The following EMC1 variants were observed in gnomAD, a reference collection of about 807,000 sequenced individuals.
EMC1 encodes the protein ER membrane protein complex subunit 1, also known as KIAA0090.
EMC1 carries 103 observed loss-of-function variants against 128.8 expected under a neutral mutation model. The observed-to-expected ratio is 0.80, with a 90% CI of 0.68 to 0.94. EMC1 has a LOEUF of 0.94. Ranked by LOEUF, EMC1 falls within the 40% of genes least tolerant of loss-of-function variation. The pLI is 0.00. For missense variants in EMC1, 1,083 were observed against 1,250.6 expected, an observed-to-expected ratio of 0.87 and a Z score of 2.02; for synonymous variants, 442 against 490.4, an observed-to-expected ratio of 0.90 and a Z score of 1.30.
At chr1:19,237,544 G>A (rs1184302022) in intron 11 of EMC1, among the ~76,000 whole-genome samples, 1 of 152,074 alleles carries the variant, frequency 6.6e-6, no homozygotes, top group South Asian at 2.1e-4. Context: ...TAGACTTTCC[G>A]CTTTAGAAAC....
chr1:19,241,012 G>A lies in EMC1; in HGVS notation c.636+4C>T. 1 of 1,613,990 alleles carries A rather than the reference G, an allele frequency of 6.2e-7. No homozygotes were observed. The highest frequency in any genetic ancestry group is 8.5e-7 in the Non-Finnish European group (1 of 1,179,954). ...ATTCACAGGCTCCTGTCACCCTCCT[G>A]TACCTGCTGAACAATCTCTCCATCT... On this transcript the variant is annotated splice_donor_region_variant and intron_variant, in intron 6 of 22. Coordinates refer to ENST00000477853, the MANE Select transcript of EMC1 (RefSeq NM_015047.3).
intron 17 of EMC1, 43 bp from the exon 18 acceptor site, chr1:19,227,493 T>G (rs777170011): frequency 6.2e-7 from 1 of 1,612,040 alleles, no homozygotes; most frequent in Admixed American, 1.7e-5. Context: ...AGGGTACACT[T>G]AGAACTGAAA....
rs1291155972 is a variant in EMC1 at position 19,226,115 on chromosome 1, CT to C, written c.2202+1197del. On this transcript the variant is annotated intron_variant, in intron 18 of 22. Transcript: ENST00000477853. ...CGTGATCTCTATTCTATGACACCCC[CT>C]CCAATTCAGTCTCTGCTGTACCAGA... 3.3e-5 allele frequency among the ~76,000 whole-genome samples: 5 copies of C among 152,312 alleles called. No homozygotes were observed. The South Asian group carries it at 8.3e-4, about 25-fold the overall frequency.
In EMC1 at chr1:19,227,409, T is replaced by G. The variant is rs2151943835; in HGVS notation, c.2106A>C (p.Pro702=). 1 of 1,614,170 alleles carries G rather than the reference T, an allele frequency of 6.2e-7. No individual in the cohort carries two copies. The highest frequency in any genetic ancestry group is 8.5e-7 in the Non-Finnish European group (1 of 1,180,032). The change falls in exon 18 of 23, where the codon CCA becomes CCC. Residue 702 remains proline (P), a synonymous_variant. Coordinates refer to ENST00000477853, the MANE Select transcript of EMC1 (RefSeq NM_015047.3). The stretch of plus-strand genomic sequence containing the variant: ...TCACCTTGACGATCCGCTGTACTTC[T>G]GGGGGAATGGTCAGCTCCCAACTCA... The part of the protein sequence containing the change: ...TELSWELTIP[P]EVQRIVKVKG...
intron 17 of EMC1, among the ~76,000 whole-genome samples, chr1:19,228,114 A>G (rs1391723541): frequency 6.6e-6 from 1 of 151,540 alleles, no homozygotes; most frequent in East Asian, 1.9e-4. Context: ...CTGAGGCAAG[A>G]GAATCACTTG....
intron 1 of EMC1, among the ~76,000 whole-genome samples, chr1:19,249,215 A>T (rs1459217400): frequency 2.0e-5 from 3 of 152,254 alleles, no homozygotes; most frequent in African/African-American, 7.2e-5. Context: ...CAGTATTTAT[A>T]AAGTCCACAG....
chr1:19,219,737 C>T (rs772351253), intron 21 of EMC1, 39 bp from the exon 22 acceptor site: 3 of 1,608,056 alleles, frequency 1.9e-6, no homozygotes, highest in Middle Eastern at 1.7e-4. Context: ...CTGAGCACTG[C>T]TGTAAAGGGA....
chr1:19,225,772 T>A (rs2093468035), intron 18 of EMC1, among the ~76,000 whole-genome samples: 1 of 149,828 alleles, frequency 6.7e-6, no homozygotes, highest in Non-Finnish European at 1.5e-5. Flanking sequence ...TGAGCTGTGA[T>A]CACACCACTG....
Position 19,220,828 on chromosome 1 carries a change from T to C in EMC1, c.2608A>G (p.Ile870Val), listed in dbSNP as rs1245894265. The C allele has an allele frequency of 1.2e-6, 2 of 1,613,422 alleles. No homozygotes were observed. Among genetic ancestry groups the C allele is most frequent in the Non-Finnish European group, 1.7e-6 (2 of 1,179,794 alleles). The change falls in exon 21 of 23, where the codon ATT becomes GTT. Residue 870 changes from isoleucine (I) to valine (V), a missense_variant. Physicochemically the swap from Ile to Val is conservative, Grantham distance 29 (BLOSUM62 3). This residue lies in a region of EMC1 where 527 missense variants were observed against 644.1 expected (regional missense o/e 0.82). Coordinates refer to ENST00000477853, the MANE Select transcript of EMC1 (RefSeq NM_015047.3). ...AGCAAAGCCTTAGGAAGGGAAAGAATTGCTCCAGAAGGTAGTCCAACTACA... is the reference window on the plus strand; with the variant it reads ...AGCAAAGCCTTAGGAAGGGAAAGAACTGCTCCAGAAGGTAGTCCAACTACA... ...HLLIGLPSGA[I>V]LSLPKALLDP... is the part of the protein sequence containing the mutation.
intron 2 of EMC1, chr1:19,244,665 G>A (rs1325126572): frequency 5.2e-6 from 2 of 388,046 alleles, no homozygotes; most frequent in South Asian, 2.8e-5. Context: ...TGGGCTTGCA[G>A]CAATATCTTA....
Position 19,243,970 on chromosome 1 carries a change from G to T in EMC1, c.266C>A (p.Ala89Asp), listed in dbSNP as rs1225481220. 3.1e-6 allele frequency: 5 copies of T among 1,614,060 alleles called. No homozygotes were observed. The highest frequency in any genetic ancestry group is 4.2e-6 in the Non-Finnish European group (5 of 1,179,998). Residue 89 changes from alanine to aspartate, a missense_variant, in exon 3 of 23, where the codon GCC becomes GAC. Physicochemically the swap from Ala to Asp is moderately radical, Grantham distance 126 (BLOSUM62 -2). Transcript: ENST00000477853. ...DKGTAEGAVD[A>D]MLLHGQDVIT... The stretch of plus-strand genomic sequence containing the variant: ...CTTACCCTGTCCGTGCAGCAGCATG[G>T]CATCCACAGCCCCTTCTGCCGTGCC...
rs1461625897 is a variant in EMC1, at chr1:19,227,309, G to A, written c.2202+4C>T. On this transcript the variant is annotated splice_donor_region_variant and intron_variant, in intron 18 of 22. Transcript: ENST00000477853. ...CTGTAGACCAGACAGCTGGCTGTAT[G>A]TACCTTGTAGAGCACACTGCGGTCC... 6.2e-7 allele frequency: 1 copy of A among 1,614,084 alleles called. No homozygotes were observed. The highest frequency in any genetic ancestry group is 1.1e-5 in the South Asian group (1 of 91,068).
intron 19 of EMC1, 145 bp downstream of exon 19, chr1:19,223,251 C>G (rs949767146): frequency 1.6e-5 from 12 of 735,212 alleles, no homozygotes; most frequent in Non-Finnish European, 2.3e-5. Flanking sequence ...ATTCCTGAGC[C>G]CAGTGCCCTA....
chr1:19,220,034 C>G (rs1210145084), intron 21 of EMC1: 1 of 272,050 alleles, frequency 3.7e-6, no homozygotes, highest in Non-Finnish European at 7.1e-6. Flanking sequence ...TTCCTGCTCT[C>G]CACTCCAGGG....
intron 8 of EMC1, among the ~76,000 whole-genome samples, 162 bp from the exon 9 acceptor site, chr1:19,239,464 T>C (rs1057465520): frequency 1.3e-5 from 2 of 152,218 alleles, no homozygotes; most frequent in East Asian, 1.9e-4. Context: ...GAGGCCTCAG[T>C]TGCATCTACA....
chr1:19,243,494 A>G (rs1329031170), intron 4 of EMC1, 120 bp downstream of exon 4: 1 of 850,212 alleles, frequency 1.2e-6, no homozygotes, highest in Non-Finnish European at 2.0e-6. Context: ...CTCAATGTCA[A>G]TGGCTGGCTC....
intron 1 of EMC1, among the ~76,000 whole-genome samples, chr1:19,251,008 G>C (rs1035510233): frequency 2.0e-5 from 3 of 152,202 alleles, no homozygotes; most frequent in African/African-American, 7.2e-5. Flanking sequence ...GAAAGCTCCT[G>C]TTCACTTGCC....
chr1:19,244,438 G>C (rs142664216), intron 2 of EMC1: 5,851 of 259,996 alleles, frequency 0.023, 108 homozygotes, highest in South Asian at 0.048. Flanking sequence ...TTGAGACAAG[G>C]TGTTGCTCTA....
intron 13 of EMC1, 49 bp downstream of exon 13, chr1:19,235,081 A>C: frequency 6.3e-7 from 1 of 1,598,608 alleles, no homozygotes; most frequent in Non-Finnish European, 8.5e-7. Flanking sequence ...GGTCATTTCC[A>C]GACTGGCCCC....
Sources: allele counts gnomAD v4.1 joint callset (sites outside exome capture counted in the v4.1 genomes callset), GRCh38; gene constraint gnomAD v4.1.1; regional missense constraint gnomAD v4.1.1; transcripts MANE v1.5; gene names NCBI Gene and HGNC (gene_info 2026-07-23, HGNC 2026-07-21).